Variants in ABCA7 observed in about 807,000 individuals in gnomAD.
ABCA7 encodes phospholipid-transporting ATPase ABCA7.
A neutral mutation model predicts 227.6 loss-of-function variants in ABCA7; 261 were observed. The ratio of observed to expected loss-of-function variants is 1.15; its 90% confidence interval spans 1.04 to 1.27. The LOEUF is 1.27. ABCA7 is among the 50% of genes most tolerant of loss of function. The pLI is 0.00. For synonymous variants in ABCA7, 1,488 were observed against 1,279.7 expected (o/e 1.16, Z -3.47); for missense variants, 3,331 against 2,924.5 (o/e 1.14, Z -3.21).
In ABCA7 at chr19:1,054,063, G is replaced by A. The variant is rs147086830; in HGVS notation, c.3530G>A (p.Arg1177Gln). The A allele has an allele frequency of 1.3e-4, 209 of 1,613,288 alleles. No individual in the cohort carries two copies. In the African/African-American group the frequency reaches 2.1e-3, roughly 16 times the overall value. ...TGIAGLDVTL[R>Q]LKMPPQETAL... ...ATTGCTGGCCTAGACGTAACCCTACGGCTCAAGATGCCGCCACAGGAGACA... is the reference window on the plus strand; with the variant it reads ...ATTGCTGGCCTAGACGTAACCCTACAGCTCAAGATGCCGCCACAGGAGACA... Residue 1177 changes from arginine to glutamine, a missense_variant, in exon 26 of 47, where the codon CGG becomes CAG. By Grantham distance (43) the Arg-to-Gln change is conservative. Coordinates refer to ENST00000263094, the MANE Select transcript of ABCA7 (RefSeq NM_019112.4). This position sits in a 1 kb window ranked among gnomAD's most constrained non-coding sequence, Gnocchi z 4.8.
In ABCA7 at chr19:1,046,262, T is replaced by A. The variant is rs779623861; in HGVS notation, c.1478T>A (p.Leu493Gln). The change falls in exon 13 of 47, where the codon CTG becomes CAG. Residue 493 changes from leucine (L) to glutamine (Q), a missense_variant. By Grantham distance (113) the Leu-to-Gln change is moderately radical (BLOSUM62 -2). Transcript: ENST00000263094. Reference protein sequence around the residue: ...FWDPGPAADPLTDLRYVWGGF... With the variant: ...FWDPGPAADPQTDLRYVWGGF... ...GACCCTGGCCCAGCCGCGGACCCCC[T>A]GACCGACCTGCGCTACGTGTGGGGC... 6.2e-7 allele frequency: 1 copy of A among 1,607,162 alleles called. No homozygotes were observed. The highest frequency in any genetic ancestry group is 8.5e-7 in the Non-Finnish European group (1 of 1,179,760).
rs750560097 is a variant in ABCA7, at chr19:1,054,840, A to C, written c.3912A>C (p.Ala1304=). ...ARLLEALLQE[A]GLEEPPVQHS... Reference sequence around the variant, plus strand: ...TGCTCGAGGCGCTGCTGCAGGAGGCAGGACTGGAGGAGCCCCCAGTGCAGC... The same window carrying C: ...TGCTCGAGGCGCTGCTGCAGGAGGCCGGACTGGAGGAGCCCCCAGTGCAGC... The change falls in exon 29 of 47, where the codon GCA becomes GCC. Residue 1304 remains alanine, a synonymous_variant. Transcript: ENST00000263094. This position sits in a 1 kb window ranked among gnomAD's most constrained non-coding sequence, Gnocchi z 4.8. 9 of 1,566,618 alleles carry C rather than the reference A, an allele frequency of 5.7e-6. No individual in the cohort carries two copies. Among genetic ancestry groups the C allele is most frequent in the Non-Finnish European group, 5.2e-6 (6 of 1,156,440 alleles).
chr19:1,064,225 C>T lies in ABCA7; in HGVS notation c.6016C>T (p.Leu2006=). The T allele has an allele frequency of 6.4e-7, 1 of 1,568,984 alleles. No individual in the cohort carries two copies. Among genetic ancestry groups the T allele is most frequent in the Non-Finnish European group, 8.6e-7 (1 of 1,158,492 alleles). Residue 2006 remains leucine (L), a synonymous_variant, in exon 45 of 47, where the codon CTG becomes TTG. Transcript: ENST00000263094. Reference sequence around the variant, plus strand: ...CATGGTGAATGGGCGGTTCCGCTGCCTGGGCAGCCCGCAACATCTCAAGGG... The same window carrying T: ...CATGGTGAATGGGCGGTTCCGCTGCTTGGGCAGCCCGCAACATCTCAAGGG... ...AIMVNGRFRC[L]GSPQHLKGRF...
intron 42 of ABCA7, among the ~76,000 whole-genome samples, chr19:1,062,905 C>T (rs368606630): frequency 2.1e-5 from 3 of 143,404 alleles, no homozygotes; most frequent in Middle Eastern, 3.9e-3. Flanking sequence ...CCACCCACAC[C>T]ATGGCCCCGC....
chr19:1,060,047 A>G (rs1047674107), intron 40 of ABCA7, among the ~76,000 whole-genome samples: 1 of 152,190 alleles, frequency 6.6e-6, no homozygotes, highest in Non-Finnish European at 1.5e-5. Context: ...ACTTGCTCAC[A>G]GCCAGCATTT....
rs1374195390 is a variant in ABCA7 at position 1,053,894 on chromosome 19, T to G, written c.3472+58T>G. 4 of 1,592,766 alleles carry G rather than the reference T, an allele frequency of 2.5e-6. No individual in the cohort carries two copies. The African/African-American group carries it at 5.4e-5, about 21-fold the overall frequency. ...GTCCAGAGTGGGACCAGAGGCCAGG[T>G]CCCCATCCCTGGCTTAGTGTGGCCC... On this transcript the variant is annotated intron_variant, in intron 25 of 46. Coordinates refer to ENST00000263094, the MANE Select transcript of ABCA7 (RefSeq NM_019112.4).
At chr19:1,051,379 TCC>T in intron 20 of ABCA7, 68 bp from the exon 21 acceptor site, 1 of 714,622 alleles carries the variant, frequency 1.4e-6, no homozygotes. Context: ...GGTACTGAGG[TCC>T]ACGTGGGTAG....
chr19:1,057,412 G>C lies in ABCA7; in HGVS notation c.4863G>C (p.Leu1621=). The C allele has an allele frequency of 6.2e-7, 1 of 1,613,908 alleles. No individual in the cohort carries two copies. Among genetic ancestry groups the C allele is most frequent in the Non-Finnish European group, 8.5e-7 (1 of 1,179,998 alleles). ...VAPANLPALL[L]LLLLYGWSIT... ...CTGCCAACCTGCCTGCTCTCCTGCT[G>C]TTGCTACTACTGTATGGGTGAGGCC... Residue 1621 remains leucine (L), a synonymous_variant, in exon 35 of 47, where the codon CTG becomes CTC. Coordinates refer to ENST00000263094, the MANE Select transcript of ABCA7 (RefSeq NM_019112.4).
At chr19:1,044,238 C>CTT (rs4147941) in intron 10 of ABCA7, among the ~76,000 whole-genome samples, 1,534 of 69,664 alleles carry the variant, frequency 0.022, 53 homozygotes, top group East Asian at 0.04. Flanking sequence ...CCACGTCCTG[C>CTT]TTTTTTTTTT....
chr19:1,054,635 G>T lies in ABCA7; in HGVS notation c.3792G>T (p.Gly1264=). ...LVFSLIVPPF[G]HYPALRLSPT... ...TCAGCCTCATCGTGCCTCCTTTCGG[G>T]CACTACCCGGCTCTGCGGCTCAGTC... Residue 1264 remains glycine (G), a synonymous_variant, in exon 28 of 47, where the codon GGG becomes GGT. Coordinates refer to ENST00000263094, the MANE Select transcript of ABCA7 (RefSeq NM_019112.4). This position sits in a 1 kb window ranked among gnomAD's most constrained non-coding sequence, Gnocchi z 4.8. 6.2e-7 allele frequency: 1 copy of T among 1,613,360 alleles called. No individual in the cohort carries two copies. The highest frequency in any genetic ancestry group is 8.5e-7 in the Non-Finnish European group (1 of 1,179,944).
At chr19:1,040,287 GT>G (rs2039886417) in intron 1 of ABCA7, 91 bp downstream of exon 1, 1 of 152,232 alleles carries the variant, frequency 6.6e-6, no homozygotes, top group East Asian at 1.9e-4. Context: ...GAATTAGGGG[GT>G]CCAGCCTCTG....
At position 1,064,249 on chromosome 19, in the gene ABCA7, G is replaced by A; in HGVS notation, c.6040G>A (p.Gly2014Ser). 1 of 1,561,474 alleles carries A rather than the reference G, an allele frequency of 6.4e-7. No individual in the cohort carries two copies. Among genetic ancestry groups the A allele is most frequent in the Middle Eastern group, 1.7e-4 (1 of 5,720 alleles). Residue 2014 changes from glycine (G) to serine (S), a missense_variant, in exon 45 of 47, where the codon GGC (glycine) becomes AGC (serine). Physicochemically the swap from Gly to Ser is moderately conservative, Grantham distance 56. Coordinates refer to ENST00000263094, the MANE Select transcript of ABCA7 (RefSeq NM_019112.4). Reference protein sequence around the residue: ...RCLGSPQHLKGRFAAGHTLTL... With the variant: ...RCLGSPQHLKSRFAAGHTLTL... ...CCTGGGCAGCCCGCAACATCTCAAG[G>A]GCAGGTGAGCCGGCGCGGCCTCCAG...
chr19:1,054,287 G>C lies in ABCA7; in HGVS notation c.3672G>C (p.Leu1224=), dbSNP rs1329686494. The C allele has an allele frequency of 6.2e-7, 1 of 1,607,192 alleles. No homozygotes were observed. Among genetic ancestry groups the C allele is most frequent in the Admixed American group, 1.7e-5 (1 of 59,922 alleles). The change falls in exon 27 of 47, where the codon CTG becomes CTC. Residue 1224 remains leucine, a synonymous_variant. Transcript: ENST00000263094. The surrounding 1 kb of genome is among the most constrained non-coding windows in gnomAD (Gnocchi z 4.8). ...TGACCCGCCAGCAGCTCCAGGCCCT[G>C]CTTCTCAAGCGCTTTCTGCTTGCCC... The part of the protein sequence containing the change: ...WALTRQQLQA[L]LLKRFLLARR...
chr19:1,054,682 T>C lies in ABCA7; in HGVS notation c.3839T>C (p.Val1280Ala). Reference protein sequence around the residue: ...RLSPTMYGAQVSFFSEDAPGD... With the variant: ...RLSPTMYGAQASFFSEDAPGD... Reference sequence around the variant, plus strand: ...AGTCCCACCATGTACGGTGCTCAGGTGTCCTTCTTCAGGTGGGTGCAGAAG... The same window carrying C: ...AGTCCCACCATGTACGGTGCTCAGGCGTCCTTCTTCAGGTGGGTGCAGAAG... The change falls in exon 28 of 47, where the codon GTG becomes GCG. Residue 1280 changes from valine to alanine, a missense_variant. Transcript: ENST00000263094. The surrounding 1 kb of genome is among the most constrained non-coding windows in gnomAD (Gnocchi z 4.8). 1 of 1,612,582 alleles carries C rather than the reference T, an allele frequency of 6.2e-7. No individual in the cohort carries two copies. The highest frequency in any genetic ancestry group is 8.5e-7 in the Non-Finnish European group (1 of 1,179,288).
chr19:1,054,220 G>A lies in ABCA7; in HGVS notation c.3605G>A (p.Gly1202Asp), dbSNP rs199787029. 3.7e-6 allele frequency: 6 copies of A among 1,608,646 alleles called. No individual in the cohort carries two copies. The highest frequency in any genetic ancestry group is 2.2e-5 in the East Asian group (1 of 44,712). Residue 1202 changes from glycine (G) to aspartate (D), a missense_variant, in exon 27 of 47, where the codon GGC becomes GAC. By Grantham distance (94) the Gly-to-Asp change is moderately conservative (BLOSUM62 -1). Coordinates refer to ENST00000263094, the MANE Select transcript of ABCA7 (RefSeq NM_019112.4). This position sits in a 1 kb window ranked among gnomAD's most constrained non-coding sequence, Gnocchi z 4.8. Reference sequence around the variant, plus strand: ...GGGTCAGCCCCAGAGACTGACCAGGGCTCTGGGCCAGACGCCGTGGGCCGG... The same window carrying A: ...GGGTCAGCCCCAGAGACTGACCAGGACTCTGGGCCAGACGCCGTGGGCCGG... ...PAGSAPETDQ[G>D]SGPDAVGRVQ...
At chr19:1,043,932 C>T (rs118021271) in intron 10 of ABCA7, 91 bp downstream of exon 10, 36,046 of 1,058,942 alleles carry the variant, frequency 0.034, 865 homozygotes, top group East Asian at 0.074. Flanking sequence ...CCGTGCAGAC[C>T]CCCACTTTTT....
chr19:1,041,861 C>T lies in ABCA7; in HGVS notation c.191C>T (p.Ala64Val), dbSNP rs776280257. 4.4e-6 allele frequency: 7 copies of T among 1,599,120 alleles called. No homozygotes were observed. The African/African-American group carries it at 5.3e-5, about 12-fold the overall frequency. The stretch of plus-strand genomic sequence containing the variant: ...TTCCCAAACAAGCCACTGCCATCGG[C>T]GGGCACCGTGCCCTGGCTCCAGGGT... ...CHFPNKPLPS[A>V]GTVPWLQGLI... is the part of the protein sequence containing the mutation. Residue 64 changes from alanine to valine, a missense_variant, in exon 4 of 47, where the codon GCG (alanine) becomes GTG (valine). Transcript: ENST00000263094.
At chr19:1,049,240 T>C in intron 17 of ABCA7, 26 bp from the exon 18 acceptor site, 3 of 1,573,882 alleles carry the variant, frequency 1.9e-6, no homozygotes, top group Non-Finnish European at 1.7e-6. Context: ...ATGACCTCCA[T>C]GGCTGAGTCC....
intron 42 of ABCA7, among the ~76,000 whole-genome samples, 192 bp downstream of exon 42, chr19:1,062,505 T>C (rs2042727414): frequency 6.6e-6 from 1 of 152,020 alleles, no homozygotes; most frequent in Non-Finnish European, 1.5e-5. Context: ...AGCCCGCCTC[T>C]TTGCCCCGCA....
Sources: allele counts gnomAD v4.1 joint callset (sites outside exome capture counted in the v4.1 genomes callset), GRCh38; gene constraint gnomAD v4.1.1; non-coding constraint Gnocchi (gnomAD v3.1); transcripts MANE v1.5; gene names NCBI Gene and HGNC (gene_info 2026-07-23, HGNC 2026-07-21).